SPRED2: variants seen among roughly 807,000 people sequenced by gnomAD.
SPRED2 encodes the protein sprouty-related, EVH1 domain-containing protein 2.
A neutral mutation model predicts 43.0 loss-of-function variants in SPRED2; 47 were observed. That is an observed-to-expected ratio of 1.09 (90% confidence interval 0.87 to 1.40). The LOEUF (loss-of-function observed/expected upper bound fraction) is 1.40, where lower values mean the gene tolerates loss of function less well. Ranked by LOEUF, SPRED2 falls within the 40% of genes most tolerant of loss-of-function variation. The pLI, the probability that SPRED2 is intolerant of heterozygous loss-of-function variation, is 0.00. For missense variants in SPRED2, 561 were observed against 586.4 expected, an observed-to-expected ratio of 0.96 and a Z score of 0.45; for synonymous variants, 225 against 225.7, an observed-to-expected ratio of 1.00 and a Z score of 0.03.
intron 1 of SPRED2, among the ~76,000 whole-genome samples, chr2:65,345,429 T>G (rs574899375): frequency 3.3e-5 from 5 of 151,998 alleles, no homozygotes; most frequent in Non-Finnish European, 7.4e-5. Flanking sequence ...CCTGGCTAGT[T>G]TTTTGTATTT....
At chr2:65,402,577 C>T (rs1054906971) in intron 1 of SPRED2, among the ~76,000 whole-genome samples, 1 of 152,140 alleles carries the variant, frequency 6.6e-6, no homozygotes, top group Non-Finnish European at 1.5e-5. Context: ...TCCATCCAGG[C>T]AGGCCTGCAG....
chr2:65,350,525 T>C (rs77908047), intron 1 of SPRED2, among the ~76,000 whole-genome samples: 3,849 of 152,278 alleles, frequency 0.025, 177 homozygotes, highest in African/African-American at 0.088. Context: ...AGTTGTGTTA[T>C]GAGCAAAACT....
intron 1 of SPRED2, among the ~76,000 whole-genome samples, chr2:65,426,245 A>G (rs1182730184): frequency 6.6e-6 from 1 of 152,254 alleles, no homozygotes; most frequent in Non-Finnish European, 1.5e-5. Flanking sequence ...TGGAATTTCC[A>G]CAAAATACCA....
At chr2:65,405,505 CA>C (rs1236719967) in intron 1 of SPRED2, among the ~76,000 whole-genome samples, 1 of 152,164 alleles carries the variant, frequency 6.6e-6, no homozygotes, top group Non-Finnish European at 1.5e-5. Context: ...ATCACACACT[CA>C]TTACAAATGC....
intron 2 of SPRED2, among the ~76,000 whole-genome samples, chr2:65,342,913 G>A (rs1200460546): frequency 6.6e-6 from 1 of 152,170 alleles, no homozygotes; most frequent in African/African-American, 2.4e-5. Flanking sequence ...AGGAGTTGGA[G>A]GCCAGCCTGG....
intron 1 of SPRED2, among the ~76,000 whole-genome samples, chr2:65,425,423 T>A (rs1003929545): frequency 6.6e-6 from 1 of 152,204 alleles, no homozygotes; most frequent in African/African-American, 2.4e-5. Context: ...AACTACCCTT[T>A]GAGAGTAGCA....
Position 65,432,058 on chromosome 2 carries a change from C to G in SPRED2, c.-71G>C. 6.3e-7 allele frequency: 1 copy of G among 1,597,960 alleles called. No individual in the cohort carries two copies. ...CCCTTCATCTTCCTGTCCGCTCGCC[C>G]CCCTTCTTCACATCTCCGGAGATCG... On this transcript the variant is annotated 5_prime_UTR_variant, in exon 1 of 6. Coordinates refer to ENST00000356388, the MANE Select transcript of SPRED2 (RefSeq NM_181784.3).
intron 1 of SPRED2, among the ~76,000 whole-genome samples, chr2:65,401,802 A>AACAT (rs1553426538): frequency 7.9e-5 from 12 of 151,920 alleles, no homozygotes; most frequent in Non-Finnish European, 1.6e-4. Context: ...TCTGTCTCAA[A>AACAT]AAATAAATAA....
chr2:65,311,357 A>C lies in SPRED2; in HGVS notation c.*2144T>G. The C allele has an allele frequency of 1.0e-6, 1 of 985,838 alleles. No homozygotes were observed. Among genetic ancestry groups the C allele is most frequent in the Non-Finnish European group, 1.2e-6 (1 of 829,928 alleles). 61.1% of individuals were successfully genotyped at this position (985,838 alleles called of 1,614,324 possible). On this transcript the variant is annotated 3_prime_UTR_variant, in exon 6 of 6. Transcript: ENST00000356388. The stretch of plus-strand genomic sequence containing the variant: ...ACGTGGAGTAAGATCTGCTAGCGTA[A>C]CTCTTAAAAGGGTGGAAAAGGACAA...
chr2:65,339,143 A>G (rs1230493723), intron 2 of SPRED2, among the ~76,000 whole-genome samples: 8 of 125,774 alleles, frequency 6.4e-5, no homozygotes, highest in Non-Finnish European at 3.3e-5. Flanking sequence ...CCGGTCCAGG[A>G]GCTGAGGGGC....
At chr2:65,399,256 C>T (rs1217168085) in intron 1 of SPRED2, among the ~76,000 whole-genome samples, 6 of 132,748 alleles carry the variant, frequency 4.5e-5, no homozygotes, top group South Asian at 2.4e-4. Context: ...TCAACAAGAG[C>T]GAAAATCTGT....
chr2:65,427,516 A>C (rs1057040482), intron 1 of SPRED2, among the ~76,000 whole-genome samples: 1 of 152,250 alleles, frequency 6.6e-6, no homozygotes, highest in African/African-American at 2.4e-5. Context: ...GTATCGGTTT[A>C]ATTTCCACAA....
intron 1 of SPRED2, among the ~76,000 whole-genome samples, chr2:65,370,880 C>G (rs1416457463): frequency 6.6e-6 from 1 of 152,178 alleles, no homozygotes; most frequent in East Asian, 1.9e-4. Flanking sequence ...TCCTCCCCTC[C>G]CCCGAAGTCA....
intron 4 of SPRED2, 30 bp downstream of exon 4, chr2:65,331,957 T>C (rs1347621112): frequency 1.9e-6 from 3 of 1,556,978 alleles, no homozygotes; most frequent in Non-Finnish European, 2.6e-6. Context: ...CAACAACTAA[T>C]CTGGAAAGCA....
intron 4 of SPRED2, among the ~76,000 whole-genome samples, chr2:65,325,303 G>A (rs111975796): frequency 0.016 from 2,455 of 152,314 alleles, 66 homozygotes; most frequent in African/African-American, 0.056. Context: ...TGGGAGATCA[G>A]TGGGCCTACG....
chr2:65,422,077 A>C (rs930836403), intron 1 of SPRED2, among the ~76,000 whole-genome samples: 1 of 127,666 alleles, frequency 7.8e-6, no homozygotes, highest in African/African-American at 3.1e-5. Flanking sequence ...TTGTATGTAC[A>C]ACACACACAC....
At chr2:65,328,351 T>C (rs567201472) in intron 4 of SPRED2, among the ~76,000 whole-genome samples, 1 of 152,322 alleles carries the variant, frequency 6.6e-6, no homozygotes, top group South Asian at 2.1e-4. Context: ...TAAAATGTAC[T>C]GAAACTTAGT....
chr2:65,341,568 C>A (rs1349966967), intron 2 of SPRED2, among the ~76,000 whole-genome samples: 2 of 152,108 alleles, frequency 1.3e-5, no homozygotes, highest in African/African-American at 2.4e-5. Context: ...CACTGCCCAC[C>A]CCATGCCAAG....
intron 4 of SPRED2, among the ~76,000 whole-genome samples, chr2:65,330,282 T>A (rs1673772529): frequency 6.6e-6 from 1 of 152,252 alleles, no homozygotes; most frequent in South Asian, 2.1e-4. Context: ...GAGACAAGTT[T>A]AATGGGTTGC....
Sources: gnomAD v4.1 joint callset for allele counts (sites outside exome capture counted in the v4.1 genomes callset) on GRCh38, gnomAD v4.1.1 for gene constraint, MANE v1.5 for transcripts, NCBI Gene and HGNC (gene_info 2026-07-23, HGNC 2026-07-21) for gene names.